HDAC4: variants seen among roughly 807,000 people sequenced by gnomAD.
HDAC4 encodes histone deacetylase 4.
HDAC4 carries 16 observed loss-of-function variants against 135.1 expected under a neutral mutation model. The observed-to-expected ratio is 0.12, with a 90% CI of 0.08 to 0.18. HDAC4 has a LOEUF of 0.18. Ranked by LOEUF, HDAC4 falls within the 10% of genes least tolerant of loss-of-function variation. The pLI, the probability that HDAC4 is intolerant of heterozygous loss-of-function variation, is 1.00. For missense variants in HDAC4, 1,143 were observed against 1,511.8 expected (o/e 0.76, Z 4.05); for synonymous variants, 685 against 653.4 (o/e 1.05, Z -0.74).
Position 239,053,151 on chromosome 2 carries a change from A to G in HDAC4, c.3231-15T>C. On this transcript the variant is annotated splice_polypyrimidine_tract_variant and intron_variant, in intron 26 of 26. Transcript: ENST00000543185. Reference sequence around the variant, plus strand: ...CCTCATCTGGTCTGTGGATCCCGCAAGAGAAGGAGATGGGGGCGTGGGGCA... The same window carrying G: ...CCTCATCTGGTCTGTGGATCCCGCAGGAGAAGGAGATGGGGGCGTGGGGCA... The G allele has an allele frequency of 6.2e-7, 1 of 1,614,108 alleles. No individual in the cohort carries two copies. Among genetic ancestry groups the G allele is most frequent in the Non-Finnish European group, 8.5e-7 (1 of 1,179,986 alleles).
At chr2:239,062,898 G>A (rs1349600787) in intron 24 of HDAC4, among the ~76,000 whole-genome samples, 2 of 152,196 alleles carry the variant, frequency 1.3e-5, no homozygotes, top group Non-Finnish European at 2.9e-5. Flanking sequence ...TGCAGCCACT[G>A]CCCATGTCCC....
Position 239,068,627 on chromosome 2 carries a change from G to C in HDAC4, c.2751-20C>G. On this transcript the variant is annotated intron_variant, in intron 22 of 26. Coordinates refer to ENST00000543185, the MANE Select transcript of HDAC4 (RefSeq NM_001378414.1). The surrounding 1 kb of genome is among the most constrained non-coding windows in gnomAD (Gnocchi z 4.4). ...ACCGTTCTGCAAAGGACAGGAGAAGGCGTTACTGGGTCAGCTGAAAGAGGG... is the reference window on the plus strand; with the variant it reads ...ACCGTTCTGCAAAGGACAGGAGAAGCCGTTACTGGGTCAGCTGAAAGAGGG... 6.3e-7 allele frequency: 1 copy of C among 1,591,650 alleles called. No individual in the cohort carries two copies. Among genetic ancestry groups the C allele is most frequent in the Non-Finnish European group, 8.6e-7 (1 of 1,159,658 alleles).
At chr2:239,377,766 C>T (rs1420365073) in intron 1 of HDAC4, among the ~76,000 whole-genome samples, 1 of 152,146 alleles carries the variant, frequency 6.6e-6, no homozygotes, top group Admixed American at 6.5e-5. Context: ...AGAGCACCTG[C>T]CAGGATGCAA....
At chr2:239,255,545 A>G (rs2079366915) in intron 2 of HDAC4, among the ~76,000 whole-genome samples, 1 of 152,152 alleles carries the variant, frequency 6.6e-6, no homozygotes, top group Admixed American at 6.5e-5. Flanking sequence ...GCCTTCACTA[A>G]TGAAATAAGA....
At chr2:239,288,208 G>A (rs975374784) in intron 2 of HDAC4, among the ~76,000 whole-genome samples, 3 of 152,162 alleles carry the variant, frequency 2.0e-5, no homozygotes, top group Non-Finnish European at 4.4e-5. Flanking sequence ...AGAGATAAGG[G>A]AAGTTTAACA....
At chr2:239,227,533 G>T (rs1368921105) in intron 3 of HDAC4, among the ~76,000 whole-genome samples, 1 of 152,192 alleles carries the variant, frequency 6.6e-6, no homozygotes, top group Non-Finnish European at 1.5e-5. Flanking sequence ...GTGCTCACCA[G>T]AAAGGCCAGG....
intron 16 of HDAC4, among the ~76,000 whole-genome samples, chr2:239,101,988 C>CCGGG (rs2152762874): frequency 2.7e-5 from 4 of 149,250 alleles, no homozygotes; most frequent in Non-Finnish European, 4.5e-5. Flanking sequence ...GCCCCCAGCC[C>CCGGG]TGGGTCCACG....
chr2:239,194,620 T>A (rs1202040557), intron 3 of HDAC4, among the ~76,000 whole-genome samples: 1 of 152,166 alleles, frequency 6.6e-6, no homozygotes, highest in Non-Finnish European at 1.5e-5. Flanking sequence ...GACAGGACCC[T>A]ATGGGGGAAG....
At chr2:239,281,135 CCA>C (rs2050708131) in intron 2 of HDAC4, among the ~76,000 whole-genome samples, 1 of 128,624 alleles carries the variant, frequency 7.8e-6, no homozygotes, top group South Asian at 2.7e-4. Flanking sequence ...AATGTACACA[CCA>C]CTCTACAATG....
At chr2:239,278,659 G>C (rs2050531971) in intron 2 of HDAC4, among the ~76,000 whole-genome samples, 2 of 152,202 alleles carry the variant, frequency 1.3e-5, no homozygotes, top group Admixed American at 1.3e-4. Flanking sequence ...GTGACAGAGG[G>C]AGACTGTCTC....
At chr2:239,231,522 G>A (rs368251520) in intron 3 of HDAC4, among the ~76,000 whole-genome samples, 3 of 152,254 alleles carry the variant, frequency 2.0e-5, no homozygotes, top group African/African-American at 4.8e-5. Flanking sequence ...CATGAGGGCC[G>A]TAAGCCCTCA....
At chr2:239,263,136 A>G (rs58943095) in intron 2 of HDAC4, among the ~76,000 whole-genome samples, 28,812 of 152,136 alleles carry the variant, frequency 0.19, 3,313 homozygotes, top group East Asian at 0.42. Flanking sequence ...AGAAAATATG[A>G]AAAACACTAC....
rs77796714 is a variant in HDAC4, at chr2:239,139,533, G to A, written c.978+151C>T. On this transcript the variant is annotated intron_variant, in intron 9 of 26. Coordinates refer to ENST00000543185, the MANE Select transcript of HDAC4 (RefSeq NM_001378414.1). This position sits in a 1 kb window ranked among gnomAD's most constrained non-coding sequence, Gnocchi z 5.3. Reference sequence around the variant, plus strand: ...AGGCAGGAGAGTAACCTCCAACTGCGTCCTTTTTAGGATGGCTCACAGGCC... The same window carrying A: ...AGGCAGGAGAGTAACCTCCAACTGCATCCTTTTTAGGATGGCTCACAGGCC... The A allele has an allele frequency of 0.028, 21,112 of 761,872 alleles. 578 individuals are homozygous for A. The highest frequency in any genetic ancestry group is 0.11 in the African/African-American group (6,184 of 58,856). 47.2% of individuals were successfully genotyped at this position (761,872 alleles called of 1,614,324 possible). A position where few individuals can be genotyped will look rare whatever the true frequency, so the allele number is the denominator to read the frequency against.
chr2:239,202,481 T>C (rs2045815733), intron 3 of HDAC4, among the ~76,000 whole-genome samples: 1 of 152,170 alleles, frequency 6.6e-6, no homozygotes, highest in Non-Finnish European at 1.5e-5. Flanking sequence ...GAAGGTACCC[T>C]GGCCTCCATC....
At chr2:239,088,183 T>A (rs539591132) in intron 18 of HDAC4, among the ~76,000 whole-genome samples, 36 of 152,282 alleles carry the variant, frequency 2.4e-4, no homozygotes, top group African/African-American at 6.7e-4. Flanking sequence ...CTCTGCCCCA[T>A]CACTTCTGCG....
chr2:239,212,338 C>T (rs976501925), intron 3 of HDAC4, among the ~76,000 whole-genome samples: 2 of 152,190 alleles, frequency 1.3e-5, no homozygotes, highest in African/African-American at 4.8e-5. Context: ...GTAAAGAACA[C>T]AGGCTAGGGC....
intron 2 of HDAC4, among the ~76,000 whole-genome samples, chr2:239,310,758 G>A (rs2125704247): frequency 6.6e-6 from 1 of 152,308 alleles, no homozygotes; most frequent in East Asian, 1.9e-4. Flanking sequence ...GGAGCACAGG[G>A]CAGGGTCGCT....
intron 3 of HDAC4, among the ~76,000 whole-genome samples, chr2:239,211,832 T>C (rs2046366053): frequency 6.6e-6 from 1 of 152,152 alleles, no homozygotes; most frequent in Non-Finnish European, 1.5e-5. Context: ...CTTTCAAAAA[T>C]AAGCCCCGAA....
chr2:239,144,805 T>C, intron 7 of HDAC4, 91 bp from the exon 8 acceptor site: 8 of 1,342,456 alleles, frequency 6.0e-6, no homozygotes, highest in African/African-American at 1.4e-5. Context: ...CGCACTCTGG[T>C]GAGTAAATAT....
Sources: gnomAD v4.1 joint callset for allele counts (sites outside exome capture counted in the v4.1 genomes callset) on GRCh38, gnomAD v4.1.1 for gene constraint, Gnocchi (gnomAD v3.1) non-coding constraint, MANE v1.5 for transcripts, NCBI Gene and HGNC (gene_info 2026-07-23, HGNC 2026-07-21) for gene names.